Variants in CTNNA2 observed in about 807,000 individuals in gnomAD.
CTNNA2 encodes catenin alpha-2.
CTNNA2 carries 42 observed loss-of-function variants against 101.0 expected under a neutral mutation model. That is an observed-to-expected ratio of 0.42 (90% CI 0.32 to 0.54). CTNNA2 has a LOEUF of 0.54. CTNNA2 is among the 20% of genes least tolerant of loss of function. The pLI is 0.14. For missense variants in CTNNA2, 871 were observed against 1,223.1 expected, an observed-to-expected ratio of 0.71 and a Z score of 4.29; for synonymous variants, 450 against 456.4, an observed-to-expected ratio of 0.99 and a Z score of 0.18.
At chr2:80,544,404 A>C (rs1291084650) in intron 9 of CTNNA2, among the ~76,000 whole-genome samples, 2 of 152,102 alleles carry the variant, frequency 1.3e-5, no homozygotes, top group Non-Finnish European at 1.5e-5. Context: ...GTAATTTACT[A>C]TATATTCCGC....
intron 7 of CTNNA2, among the ~76,000 whole-genome samples, chr2:80,149,475 G>A (rs1703558049): frequency 1.3e-5 from 2 of 152,118 alleles, no homozygotes; most frequent in Non-Finnish European, 2.9e-5. Flanking sequence ...CAGCCCAAAT[G>A]TCACCTTCTC....
chr2:79,229,151 T>C (rs778405845), intron 2 of CTNNA2, among the ~76,000 whole-genome samples: 6 of 152,226 alleles, frequency 3.9e-5, no homozygotes, highest in Non-Finnish European at 5.9e-5. Flanking sequence ...CCTTGAGTAC[T>C]GTAAACTTAT....
At chr2:80,096,869 G>A (rs746038840) in intron 7 of CTNNA2, among the ~76,000 whole-genome samples, 21 of 151,144 alleles carry the variant, frequency 1.4e-4, no homozygotes, top group Non-Finnish European at 2.7e-4. Context: ...GTTGATTTTC[G>A]TCCATCCCTT....
At chr2:79,202,046 T>G (rs539181801) in intron 2 of CTNNA2, among the ~76,000 whole-genome samples, 1 of 152,342 alleles carries the variant, frequency 6.6e-6, no homozygotes, top group East Asian at 1.9e-4. Flanking sequence ...CAAATGATTG[T>G]AATCTTTTGA....
At chr2:79,688,759 C>T (rs149952211) in intron 2 of CTNNA2, among the ~76,000 whole-genome samples, 14 of 152,188 alleles carry the variant, frequency 9.2e-5, no homozygotes, top group Middle Eastern at 3.4e-3. Context: ...AGAAGAGCTT[C>T]GGGCAGTTTC....
intron 7 of CTNNA2, among the ~76,000 whole-genome samples, chr2:80,035,880 C>G (rs76842815): frequency 0.017 from 2,552 of 152,198 alleles, 66 homozygotes; most frequent in African/African-American, 0.058. Flanking sequence ...GGGTAGCAAC[C>G]AGCATGGTAT....
At chr2:79,301,909 G>C (rs1676119068) in intron 2 of CTNNA2, among the ~76,000 whole-genome samples, 1 of 151,906 alleles carries the variant, frequency 6.6e-6, no homozygotes, top group Non-Finnish European at 1.5e-5. Context: ...TGGCCAACAG[G>C]ATGAAACTCT....
At chr2:80,363,065 T>C (rs1674571864) in intron 7 of CTNNA2, among the ~76,000 whole-genome samples, 1 of 151,422 alleles carries the variant, frequency 6.6e-6, no homozygotes, top group African/African-American at 2.4e-5. Flanking sequence ...AACTAATTCA[T>C]CTAGATATAT....
chr2:80,121,239 T>C (rs764085706), intron 7 of CTNNA2, among the ~76,000 whole-genome samples: 7 of 152,200 alleles, frequency 4.6e-5, no homozygotes, highest in Non-Finnish European at 7.3e-5. Context: ...TTTTACAACG[T>C]AGATATAGAT....
intron 3 of CTNNA2, among the ~76,000 whole-genome samples, chr2:79,811,277 A>G (rs1574029634): frequency 6.6e-6 from 1 of 152,298 alleles, no homozygotes; most frequent in Admixed American, 6.5e-5. Context: ...TCTGATGTCC[A>G]GTGATGATGA....
At chr2:79,693,622 G>A (rs550424433) in intron 2 of CTNNA2, among the ~76,000 whole-genome samples, 6 of 151,926 alleles carry the variant, frequency 3.9e-5, no homozygotes, top group Admixed American at 6.6e-5. Flanking sequence ...GGTAGGAATC[G>A]TGTGAGAAGG....
intron 7 of CTNNA2, among the ~76,000 whole-genome samples, chr2:80,236,287 T>C (rs1460408233): frequency 2.0e-5 from 3 of 152,202 alleles, no homozygotes; most frequent in Admixed American, 2.0e-4. Context: ...TGCAAGTGTC[T>C]TTATGGTAGA....
chr2:80,048,477 G>T (rs1696669797), intron 7 of CTNNA2, among the ~76,000 whole-genome samples: 1 of 152,204 alleles, frequency 6.6e-6, no homozygotes, highest in Non-Finnish European at 1.5e-5. Context: ...TTTCCTATCA[G>T]AGCTGAGAAA....
intron 9 of CTNNA2, among the ~76,000 whole-genome samples, chr2:80,456,209 C>T (rs1462648609): frequency 6.6e-6 from 1 of 152,110 alleles, no homozygotes; most frequent in Admixed American, 6.5e-5. Context: ...CATGGAGTAC[C>T]CGGGTTGTAG....
At chr2:79,579,155 T>C (rs1421640267) in intron 1 of CTNNA2, among the ~76,000 whole-genome samples, 1 of 151,236 alleles carries the variant, frequency 6.6e-6, no homozygotes, top group East Asian at 1.9e-4. Flanking sequence ...TTTCCTTCTC[T>C]TTTTTCTTTT....
chr2:79,812,227 T>C (rs114728630), intron 3 of CTNNA2, among the ~76,000 whole-genome samples: 2,810 of 152,290 alleles, frequency 0.018, 79 homozygotes, highest in African/African-American at 0.064. Flanking sequence ...TATATTCTTT[T>C]CTTTTTCTTG....
intron 7 of CTNNA2, among the ~76,000 whole-genome samples, chr2:79,935,238 G>C (rs1687700848): frequency 6.6e-6 from 1 of 152,084 alleles, no homozygotes; most frequent in Non-Finnish European, 1.5e-5. Context: ...TTGTTTTATA[G>C]ATGAGGGGGC....
chr2:79,927,944 C>G (rs4852168), intron 7 of CTNNA2, among the ~76,000 whole-genome samples: 16,025 of 151,564 alleles, frequency 0.11, 1,109 homozygotes, highest in East Asian at 0.26. Flanking sequence ...ATTTTTGGCT[C>G]AATATATGGA....
intron 7 of CTNNA2, among the ~76,000 whole-genome samples, chr2:80,139,543 T>C (rs1266986745): frequency 6.6e-6 from 1 of 152,176 alleles, no homozygotes; most frequent in African/African-American, 2.4e-5. Flanking sequence ...CCCTCTTATG[T>C]ATGTGTTTGT....
Sources: allele counts gnomAD v4.1 joint callset (sites outside exome capture counted in the v4.1 genomes callset), GRCh38; gene constraint gnomAD v4.1.1; transcripts MANE v1.5; gene names NCBI Gene and HGNC (gene_info 2026-07-23, HGNC 2026-07-21).